Variants in GRHL1 observed in about 807,000 individuals in gnomAD.
GRHL1 encodes grainyhead-like protein 1 homolog.
Under a neutral mutation model 75.7 loss-of-function variants are expected in GRHL1, and 38 were observed. That is an observed-to-expected ratio of 0.50 (90% confidence interval 0.39 to 0.66). GRHL1 has a LOEUF of 0.66. Among genes scored for constraint, GRHL1 ranks in the 30% least tolerant of loss-of-function variants. The pLI, the probability that GRHL1 is intolerant of heterozygous loss-of-function variation, is 0.00. For missense variants in GRHL1, 589 were observed against 767.5 expected (o/e 0.77, Z 2.75); for synonymous variants, 266 against 279.4 (o/e 0.95, Z 0.48).
chr2:9,961,585 G>A, intron 4 of GRHL1, 149 bp downstream of exon 4: 4 of 655,664 alleles, frequency 6.1e-6, no homozygotes, highest in African/African-American at 1.8e-5. Context: ...AAGGCCCATG[G>A]GTATAATTTG....
chr2:10,000,530 T>C (rs952798988), intron 15 of GRHL1, 63 bp from the exon 16 acceptor site: 6 of 893,236 alleles, frequency 6.7e-6, no homozygotes, highest in Non-Finnish European at 1.1e-5. Context: ...AACAGGTCAA[T>C]CTAGGTCTGA....
chr2:9,966,554 C>A (rs1667505054), intron 8 of GRHL1, among the ~76,000 whole-genome samples: 2 of 152,186 alleles, frequency 1.3e-5, no homozygotes, highest in South Asian at 4.1e-4. Flanking sequence ...CTTGTCCTTT[C>A]TCAGTCTCTG....
intron 8 of GRHL1, among the ~76,000 whole-genome samples, chr2:9,984,563 A>G (rs537213990): frequency 6.6e-6 from 1 of 152,286 alleles, no homozygotes; most frequent in Non-Finnish European, 1.5e-5. Flanking sequence ...GACTCAGCTT[A>G]TTTTAACTTT....
chr2:9,993,492 C>G (rs1344835957), intron 12 of GRHL1, among the ~76,000 whole-genome samples: 1 of 151,948 alleles, frequency 6.6e-6, no homozygotes. Flanking sequence ...TCCTTTATAG[C>G]AAAAAAGGAT....
rs1667585334 is a variant in GRHL1, at chr2:9,968,628, A to G, written c.1110+3247A>G. ...CATTAAAAGATGGAGCTTTGGTAAG[A>G]TGCTGAAGTTTAGGATTTGCAGGAC... On this transcript the variant is annotated intron_variant, in intron 8 of 15. Transcript: ENST00000324907. The surrounding 1 kb of genome is among the most constrained non-coding windows in gnomAD (Gnocchi z 4.7). 6.6e-6 allele frequency among the ~76,000 whole-genome samples: 1 copy of G among 152,216 alleles called. No individual in the cohort carries two copies. Among genetic ancestry groups the G allele is most frequent in the African/African-American group, 2.4e-5 (1 of 41,456 alleles).
intron 14 of GRHL1, among the ~76,000 whole-genome samples, 186 bp from the exon 15 acceptor site, chr2:9,998,779 T>TAC (rs1279497277): frequency 4.8e-5 from 2 of 41,668 alleles, no homozygotes; most frequent in African/African-American, 1.3e-4. Context: ...CACACATATA[T>TAC]ACGTATATAT....
At chr2:9,952,988 G>A in intron 1 of GRHL1, 1 of 456,612 alleles carries the variant, frequency 2.2e-6, no homozygotes, top group Non-Finnish European at 4.4e-6. Context: ...TCACCTGAAA[G>A]TGATGATGAG....
At chr2:9,953,087 G>C (rs1440900183) in intron 1 of GRHL1, 2 of 456,610 alleles carry the variant, frequency 4.4e-6, no homozygotes, top group Non-Finnish European at 8.8e-6. Context: ...TTGACGTATA[G>C]TTTAGATAAG....
chr2:10,001,885 G>A lies in GRHL1; in HGVS notation c.*1178G>A, dbSNP rs1056916182. 1 of 152,624 alleles carries A rather than the reference G, an allele frequency of 6.6e-6. No homozygotes were observed. The highest frequency in any genetic ancestry group is 2.4e-5 in the African/African-American group (1 of 41,542). 9.5% of individuals were successfully genotyped at this position (152,624 alleles called of 1,614,324 possible). A position where few individuals can be genotyped will look rare whatever the true frequency, so the allele number is the denominator to read the frequency against. On this transcript the variant is annotated 3_prime_UTR_variant, in exon 16 of 16. Coordinates refer to ENST00000324907, the MANE Select transcript of GRHL1 (RefSeq NM_198182.3). ...TATTTTATCACGCATCAGAGCCTTC[G>A]TGCTTTGATTATCTTGTATGTTAAC...
At chr2:9,982,273 A>C (rs1415345783) in intron 8 of GRHL1, among the ~76,000 whole-genome samples, 4 of 152,232 alleles carry the variant, frequency 2.6e-5, no homozygotes, top group African/African-American at 7.2e-5. Context: ...ATAATCTCAG[A>C]GTTTTGGAGC....
At chr2:9,958,958 G>A in intron 3 of GRHL1, 102 bp downstream of exon 3, 1 of 1,501,632 alleles carries the variant, frequency 6.7e-7, no homozygotes, top group Non-Finnish European at 9.0e-7. Flanking sequence ...ACTAGTGAAA[G>A]AGATAGGTAA....
chr2:9,963,033 G>A (rs1184804031), intron 5 of GRHL1, among the ~76,000 whole-genome samples: 1 of 152,038 alleles, frequency 6.6e-6, no homozygotes, highest in Non-Finnish European at 1.5e-5. Flanking sequence ...AAGTTAATTA[G>A]GAACTCATAT....
intron 15 of GRHL1, among the ~76,000 whole-genome samples, chr2:9,999,383 TC>T (rs1669168014): frequency 6.6e-6 from 1 of 152,220 alleles, no homozygotes; most frequent in Non-Finnish European, 1.5e-5. Context: ...GGCTCCACAC[TC>T]CAGGGTGTGT....
At chr2:9,991,299 G>A (rs925018545) in intron 10 of GRHL1, among the ~76,000 whole-genome samples, 1 of 152,058 alleles carries the variant, frequency 6.6e-6, no homozygotes, top group Non-Finnish European at 1.5e-5. Context: ...AGAAAGTGCT[G>A]TTCTGTGCCT....
Position 10,000,690 on chromosome 2 carries a change from A to G in GRHL1, c.1840A>G (p.Thr614Ala). The change falls in exon 16 of 16, where the codon ACC (threonine) becomes GCC (alanine). Residue 614 changes from threonine to alanine, a missense_variant. By Grantham distance (58) the Thr-to-Ala change is moderately conservative (BLOSUM62 0). Around this residue, in one of 5 missense-constraint regions of GRHL1, gnomAD observed 192 missense variants for 226.6 expected, o/e 0.85. Coordinates refer to ENST00000324907, the MANE Select transcript of GRHL1 (RefSeq NM_198182.3). The part of the protein sequence containing the change: ...IEEAGGSYKL[T>A]LTEI ...AGAAGCCGGGGGGTCTTACAAGCTC[A>G]CCCTGACGGAGATCTAAAGGCCTGC... 6.3e-7 allele frequency: 1 copy of G among 1,598,002 alleles called. No individual in the cohort carries two copies. Among genetic ancestry groups the G allele is most frequent in the East Asian group, 2.2e-5 (1 of 44,770 alleles).
chr2:9,962,010 C>T (rs1469130824), intron 4 of GRHL1, among the ~76,000 whole-genome samples: 3 of 152,074 alleles, frequency 2.0e-5, no homozygotes, highest in South Asian at 2.1e-4. Context: ...TCCATCTCTG[C>T]GTATGGAGTT....
chr2:10,000,637 A>G lies in GRHL1; in HGVS notation c.1787A>G (p.Asn596Ser), dbSNP rs774039969. Residue 596 changes from asparagine (N) to serine (S), a missense_variant, in exon 16 of 16, where the codon AAT becomes AGT. Transcript: ENST00000324907. ...MDDNIVKHYS[N>S]EDTFQLQIEE... is the part of the protein sequence containing the mutation. ...GACAACATTGTGAAGCATTACTCCA[A>G]TGAGGACACCTTCCAGCTGCAGATT... The G allele has an allele frequency of 2.5e-6, 4 of 1,613,646 alleles. No individual in the cohort carries two copies. Among genetic ancestry groups the G allele is most frequent in the East Asian group, 2.2e-5 (1 of 44,884 alleles).
Position 9,954,996 on chromosome 2 carries a change from A to G in GRHL1, c.102A>G (p.Lys34=). The change falls in exon 2 of 16, where the codon AAA becomes AAG. Residue 34 remains lysine, a synonymous_variant. Transcript: ENST00000324907. ...RSYTSEDEAW[K]SFLENPLTAA... ...ACACTAGTGAGGATGAGGCCTGGAA[A>G]TCCTTCCTGGAAAACCCTCTCACTG... 1.2e-6 allele frequency: 2 copies of G among 1,613,186 alleles called. No individual in the cohort carries two copies. The highest frequency in any genetic ancestry group is 1.7e-6 in the Non-Finnish European group (2 of 1,179,148).
At position 9,954,983 on chromosome 2, in the gene GRHL1, A is replaced by G; in HGVS notation, c.89A>G (p.Asp30Gly). The change falls in exon 2 of 16, where the codon GAT becomes GGT. Residue 30 changes from aspartate (D) to glycine (G), a missense_variant. Around this residue, in one of 5 missense-constraint regions of GRHL1, gnomAD observed 362 missense variants for 461.8 expected, o/e 0.78. Coordinates refer to ENST00000324907, the MANE Select transcript of GRHL1 (RefSeq NM_198182.3). ...YPQRRSYTSE[D>G]EAWKSFLENP... Reference sequence around the variant, plus strand: ...CAGCGGCGGTCCTACACTAGTGAGGATGAGGCCTGGAAATCCTTCCTGGAA... The same window carrying G: ...CAGCGGCGGTCCTACACTAGTGAGGGTGAGGCCTGGAAATCCTTCCTGGAA... The G allele has an allele frequency of 3.1e-6, 5 of 1,613,094 alleles. No individual in the cohort carries two copies. Among genetic ancestry groups the G allele is most frequent in the Non-Finnish European group, 4.2e-6 (5 of 1,179,068 alleles).
Sources: allele counts gnomAD v4.1 joint callset (sites outside exome capture counted in the v4.1 genomes callset), GRCh38; gene constraint gnomAD v4.1.1; regional missense constraint gnomAD v4.1.1; non-coding constraint Gnocchi (gnomAD v3.1); transcripts MANE v1.5; gene names NCBI Gene and HGNC (gene_info 2026-07-23, HGNC 2026-07-21).